TBC1D1: variants seen among roughly 807,000 people sequenced by gnomAD.
TBC1D1 encodes the protein TBC1 domain family member 1, also known as TBC1 (tre-2/USP6, BUB2, cdc16) domain family, member 1.
Under a neutral mutation model 125.6 loss-of-function variants are expected in TBC1D1, and 89 were observed. The observed-to-expected ratio is 0.71, with a 90% CI of 0.60 to 0.85. The LOEUF (loss-of-function observed/expected upper bound fraction) is 0.85. Ranked by LOEUF, TBC1D1 falls within the 40% of genes least tolerant of loss-of-function variation. The pLI is 0.00. For missense variants in TBC1D1, 1,377 were observed against 1,469.2 expected (o/e 0.94, Z 1.03); for synonymous variants, 565 against 564.1 (o/e 1.00, Z -0.02).
intron 15 of TBC1D1, among the ~76,000 whole-genome samples, chr4:38,107,582 T>TTG (rs1761540735): frequency 7.1e-6 from 1 of 140,898 alleles, no homozygotes; most frequent in Non-Finnish European, 1.5e-5. Flanking sequence ...AACAGGTTTT[T>TTG]TTTTTTTTTT....
At chr4:38,111,860 GT>G in intron 15 of TBC1D1, 1 of 871,392 alleles carries the variant, frequency 1.1e-6, no homozygotes, top group Non-Finnish European at 1.4e-6. Flanking sequence ...GGGTGCAGTT[GT>G]CCTGCTTAAC....
intron 15 of TBC1D1, chr4:38,110,672 T>A: frequency 1.0e-6 from 1 of 985,488 alleles, no homozygotes; most frequent in Non-Finnish European, 1.2e-6. Context: ...CATTCTCATT[T>A]TATATGTGAA....
chr4:37,941,925 A>T (rs1725658294), intron 2 of TBC1D1, among the ~76,000 whole-genome samples: 4 of 152,340 alleles, frequency 2.6e-5, no homozygotes, highest in South Asian at 2.1e-4. Flanking sequence ...ACATTTGCTA[A>T]GGAGTGCTTT....
rs139698523 is a variant in TBC1D1, at chr4:37,989,270, T to C, written c.418-25239T>C. 4.3e-3 allele frequency among the ~76,000 whole-genome samples: 648 copies of C among 152,334 alleles called. 4 individuals are homozygous for C. Among genetic ancestry groups the C allele is most frequent in the African/African-American group, 0.014 (590 of 41,582 alleles). On this transcript the variant is annotated intron_variant, in intron 2 of 19. Transcript: ENST00000261439. ...GACCTTGTCTTAACCTACACACTTA[T>C]TTCTATTGATTCCAGATCTTTAGAT... is the stretch of plus-strand genomic sequence containing the variant.
intron 12 of TBC1D1, among the ~76,000 whole-genome samples, chr4:38,067,507 T>C (rs1247096108): frequency 6.6e-6 from 1 of 152,118 alleles, no homozygotes; most frequent in Non-Finnish European, 1.5e-5. Context: ...GACAAGGCAG[T>C]ATGGGAGGGT....
chr4:38,018,855 A>G (rs1172361817), intron 4 of TBC1D1, among the ~76,000 whole-genome samples: 1 of 152,056 alleles, frequency 6.6e-6, no homozygotes, highest in Non-Finnish European at 1.5e-5. Context: ...AATTGTCAGT[A>G]TTCTCCCTTC....
intron 2 of TBC1D1, among the ~76,000 whole-genome samples, chr4:37,941,532 G>A (rs1026244111): frequency 6.6e-6 from 1 of 152,094 alleles, no homozygotes; most frequent in Non-Finnish European, 1.5e-5. Context: ...CCTCAGTTCT[G>A]TTCTGATCTT....
intron 1 of TBC1D1, among the ~76,000 whole-genome samples, chr4:37,896,826 A>C (rs6838012): frequency 0.034 from 5,167 of 151,852 alleles, 292 homozygotes; most frequent in African/African-American, 0.12. Context: ...TTAGCTTTAA[A>C]ATTTTATGAT....
chr4:38,085,551 C>T (rs1459256457), intron 12 of TBC1D1, among the ~76,000 whole-genome samples: 2 of 152,076 alleles, frequency 1.3e-5, no homozygotes, highest in African/African-American at 4.8e-5. Flanking sequence ...TCCCAAGAGG[C>T]ACCAACACAG....
chr4:37,902,149 G>T lies in TBC1D1; in HGVS notation c.54G>T (p.Ser18=), dbSNP rs151073867. The T allele has an allele frequency of 1.9e-6, 3 of 1,613,220 alleles. No homozygotes were observed. The South Asian group carries it at 3.3e-5, about 18-fold the overall frequency. Residue 18 remains serine, a synonymous_variant, in exon 2 of 20, where the codon TCG becomes TCT. Coordinates refer to ENST00000261439, the MANE Select transcript of TBC1D1 (RefSeq NM_015173.4). ...AACATCTGCTTTCTAACGAGGTCTCGGTGGATTTTGGCCTGCAGCTGGTGG... is the reference window on the plus strand; with the variant it reads ...AACATCTGCTTTCTAACGAGGTCTCTGTGGATTTTGGCCTGCAGCTGGTGG...
chr4:38,105,173 C>A (rs892264857), intron 15 of TBC1D1, among the ~76,000 whole-genome samples: 3 of 152,186 alleles, frequency 2.0e-5, no homozygotes, highest in Non-Finnish European at 2.9e-5. Context: ...TAGCACCCCA[C>A]ACTCTCCCCA....
intron 18 of TBC1D1, among the ~76,000 whole-genome samples, chr4:38,131,228 G>A (rs560219194): frequency 1.2e-4 from 18 of 152,232 alleles, no homozygotes; most frequent in African/African-American, 4.8e-5. Flanking sequence ...ACATCAATCC[G>A]TAGGAAAAGC....
intron 3 of TBC1D1, among the ~76,000 whole-genome samples, chr4:38,015,196 C>T (rs181173229): frequency 6.6e-6 from 1 of 152,198 alleles, no homozygotes; most frequent in Admixed American, 6.5e-5. Context: ...TTTTATCTCA[C>T]CCGGTAATTA....
intron 2 of TBC1D1, among the ~76,000 whole-genome samples, chr4:37,953,044 G>C (rs909208175): frequency 2.6e-5 from 4 of 152,210 alleles, no homozygotes; most frequent in Admixed American, 1.3e-4. Context: ...CTCAGCTGCA[G>C]GTAATTGGAA....
intron 5 of TBC1D1, 127 bp downstream of exon 5, chr4:38,020,822 A>G (rs1743857876): frequency 1.4e-6 from 1 of 692,232 alleles, no homozygotes; most frequent in Non-Finnish European, 2.4e-6. Flanking sequence ...TTAGTTATTT[A>G]CTTATGACTA....
At chr4:37,907,517 A>T (rs1717594509) in intron 2 of TBC1D1, among the ~76,000 whole-genome samples, 1 of 152,150 alleles carries the variant, frequency 6.6e-6, no homozygotes. Flanking sequence ...AGTAGCTGGG[A>T]TTACAGGCAT....
chr4:38,109,199 T>C (rs1761831993), intron 15 of TBC1D1, among the ~76,000 whole-genome samples: 1 of 152,222 alleles, frequency 6.6e-6, no homozygotes, highest in Non-Finnish European at 1.5e-5. Flanking sequence ...CGTTGCTGTA[T>C]GGAGGTCAGT....
intron 12 of TBC1D1, among the ~76,000 whole-genome samples, chr4:38,073,658 C>G (rs921515048): frequency 1.3e-5 from 2 of 152,126 alleles, no homozygotes; most frequent in African/African-American, 2.4e-5. Context: ...TGACCAAAAG[C>G]AGCTGTGTGT....
At chr4:38,028,505 T>C (rs1046243321) in intron 7 of TBC1D1, among the ~76,000 whole-genome samples, 4 of 152,160 alleles carry the variant, frequency 2.6e-5, no homozygotes, top group Admixed American at 2.0e-4. Context: ...GAATTTGTGT[T>C]GGGCTACATT....
Sources: allele counts gnomAD v4.1 joint callset (sites outside exome capture counted in the v4.1 genomes callset), GRCh38; gene constraint gnomAD v4.1.1; transcripts MANE v1.5; gene names NCBI Gene and HGNC (gene_info 2026-07-23, HGNC 2026-07-21).